Variants in ME3 observed in about 807,000 individuals in gnomAD.
The protein encoded by ME3 is NADP-dependent malic enzyme, mitochondrial.
ME3 carries 48 observed loss-of-function variants against 68.9 expected under a neutral mutation model. The ratio of observed to expected loss-of-function variants is 0.70; its 90% confidence interval spans 0.55 to 0.89. The LOEUF (loss-of-function observed/expected upper bound fraction) is 0.89, where lower values mean the gene tolerates loss of function less well. Among genes scored for constraint, ME3 ranks in the 40% least tolerant of loss-of-function variants. ME3 has a pLI of 0.00. For synonymous variants in ME3, 320 were observed against 318.8 expected (o/e 1.00, Z -0.04); for missense variants, 675 against 797.4 (o/e 0.85, Z 1.85).
chr11:86,588,135 A>G (rs181866851), intron 2 of ME3, among the ~76,000 whole-genome samples: 245 of 152,358 alleles, frequency 1.6e-3, no homozygotes, highest in African/African-American at 5.6e-3. Flanking sequence ...TGGCATGAAC[A>G]AGATAGGCAC....
chr11:86,441,543 A>G (rs949191689), intron 14 of ME3, 103 bp from the exon 15 acceptor site: 1 of 1,167,612 alleles, frequency 8.6e-7, no homozygotes, highest in African/African-American at 1.6e-5. Flanking sequence ...TTAAGGAACC[A>G]GACTTGTTTC....
At chr11:86,462,651 A>C (rs750644844) in intron 8 of ME3, 1 of 1,243,308 alleles carries the variant, frequency 8.0e-7, no homozygotes, top group Non-Finnish European at 1.1e-6. Flanking sequence ...TTAGGCATCT[A>C]TCATGTAGCA....
At chr11:86,504,534 C>T (rs541490419) in intron 5 of ME3, among the ~76,000 whole-genome samples, 2 of 151,680 alleles carry the variant, frequency 1.3e-5, no homozygotes, top group Non-Finnish European at 2.9e-5. Context: ...GGGAGGACTA[C>T]AGGTGTGTGC....
chr11:86,628,143 T>C (rs967031826), intron 2 of ME3, among the ~76,000 whole-genome samples: 2 of 152,196 alleles, frequency 1.3e-5, no homozygotes, highest in African/African-American at 4.8e-5. Flanking sequence ...TTATAATCTA[T>C]CTGGAGAGTT....
At chr11:86,565,538 T>G (rs966272390) in intron 2 of ME3, among the ~76,000 whole-genome samples, 2 of 152,214 alleles carry the variant, frequency 1.3e-5, no homozygotes, top group Non-Finnish European at 2.9e-5. Flanking sequence ...GAAAATTTAT[T>G]CAGCTATAAA....
At chr11:86,599,171 C>G (rs1233375780) in intron 2 of ME3, among the ~76,000 whole-genome samples, 3 of 152,086 alleles carry the variant, frequency 2.0e-5, no homozygotes, top group African/African-American at 7.2e-5. Context: ...GGAGGAAATT[C>G]AAACCAAAGG....
At chr11:86,671,712 C>T (rs747993292) in intron 2 of ME3, 50 bp downstream of exon 2, 7 of 1,585,300 alleles carry the variant, frequency 4.4e-6, no homozygotes, top group African/African-American at 2.8e-5. Context: ...CGCAATTTTC[C>T]GGCAGCCACG....
In ME3 at chr11:86,506,944, G is replaced by A. The variant is rs114965452; in HGVS notation, c.543+1848C>T. 4.1e-3 allele frequency among the ~76,000 whole-genome samples: 631 copies of A among 152,346 alleles called. 6 individuals carry two copies. Among genetic ancestry groups the A allele is most frequent in the African/African-American group, 0.015 (612 of 41,582 alleles). ...CCTGGGACCAAAACCTGCAGGGCCT[G>A]CAGGACATATACCTGGAGTCTAAGC... On this transcript the variant is annotated intron_variant, in intron 5 of 14. Transcript: ENST00000543262.
chr11:86,642,123 T>C (rs1944708980), intron 2 of ME3, among the ~76,000 whole-genome samples: 1 of 152,258 alleles, frequency 6.6e-6, no homozygotes, highest in Non-Finnish European at 1.5e-5. Flanking sequence ...TTGCATGAAC[T>C]CCAAATCCTG....
Position 86,593,687 on chromosome 11 carries a change from C to G in ME3, c.184-33864G>C, listed in dbSNP as rs1216882418. ...CTGTATCATTTTGTTCTATTTTCTT[C>G]CTATCTTTTTTCTATGCTTAAAAAA... On this transcript the variant is annotated intron_variant, in intron 2 of 14. Transcript: ENST00000543262. Among the ~76,000 whole-genome samples the G allele has an allele frequency of 4.1e-5, 6 of 146,528 alleles. 1 individual carries two copies. The highest frequency in any genetic ancestry group is 1.5e-4 in the African/African-American group (6 of 39,822).
intron 2 of ME3, among the ~76,000 whole-genome samples, chr11:86,612,012 T>C (rs538360001): frequency 2.6e-5 from 4 of 152,314 alleles, no homozygotes; most frequent in South Asian, 2.1e-4. Context: ...GGTAGACATG[T>C]GCCATGGTGG....
intron 2 of ME3, among the ~76,000 whole-genome samples, chr11:86,613,816 A>G (rs2212341): frequency 0.39 from 59,541 of 151,970 alleles, 12,357 homozygotes; most frequent in East Asian, 0.7. Flanking sequence ...AGGAAATAAG[A>G]GAGGATACAA....
intron 7 of ME3, among the ~76,000 whole-genome samples, chr11:86,469,177 C>T (rs1015423589): frequency 6.6e-6 from 1 of 152,182 alleles, no homozygotes. Flanking sequence ...GGAGTCTTGG[C>T]TGAGTCCCCT....
At chr11:86,476,276 A>T (rs921916991) in intron 7 of ME3, among the ~76,000 whole-genome samples, 5 of 152,220 alleles carry the variant, frequency 3.3e-5, no homozygotes, top group African/African-American at 4.8e-5. Flanking sequence ...AGGACATTCA[A>T]GGCTGGGAAA....
intron 2 of ME3, among the ~76,000 whole-genome samples, chr11:86,633,856 A>C (rs1944168348): frequency 6.6e-6 from 1 of 152,170 alleles, no homozygotes. Context: ...ACCTGGGCTC[A>C]ACGCAGTTAA....
chr11:86,542,527 G>T (rs577228119), intron 4 of ME3, among the ~76,000 whole-genome samples: 1 of 152,264 alleles, frequency 6.6e-6, no homozygotes, highest in African/African-American at 2.4e-5. Context: ...ATCAACAGCA[G>T]AATTGATTAA....
intron 2 of ME3, among the ~76,000 whole-genome samples, chr11:86,643,197 T>C (rs1944777691): frequency 6.6e-6 from 1 of 152,132 alleles, no homozygotes; most frequent in Non-Finnish European, 1.5e-5. Flanking sequence ...TGTTTCTGTC[T>C]CCTACCTGGG....
At chr11:86,652,562 C>G (rs568304555) in intron 2 of ME3, among the ~76,000 whole-genome samples, 34 of 152,102 alleles carry the variant, frequency 2.2e-4, no homozygotes, top group African/African-American at 8.2e-4. Flanking sequence ...TTTGTCACCA[C>G]CAGGCCTGCC....
At chr11:86,541,769 G>C (rs1188766169) in intron 4 of ME3, among the ~76,000 whole-genome samples, 2 of 152,184 alleles carry the variant, frequency 1.3e-5, no homozygotes, top group African/African-American at 4.8e-5. Context: ...GAGAGCAGTG[G>C]ATCTCCCAGC....
Sources: gnomAD v4.1 joint callset for allele counts (sites outside exome capture counted in the v4.1 genomes callset) on GRCh38, gnomAD v4.1.1 for gene constraint, MANE v1.5 for transcripts, NCBI Gene and HGNC (gene_info 2026-07-23, HGNC 2026-07-21) for gene names.